FAT3: variants seen among roughly 807,000 people sequenced by gnomAD.
The protein encoded by FAT3 is FAT atypical cadherin 3, also known as protocadherin Fat 3.
Under a neutral mutation model 310.2 loss-of-function variants are expected in FAT3, and 95 were observed. The observed-to-expected ratio is 0.31, with a 90% CI of 0.26 to 0.36. FAT3 has a LOEUF of 0.36. Ranked by LOEUF, FAT3 falls within the 10% of genes least tolerant of loss-of-function variation. The pLI, the probability that FAT3 is intolerant of heterozygous loss-of-function variation, is 1.00. For missense variants in FAT3, 5,408 were observed against 5,715.6 expected (o/e 0.95, Z 1.74); for synonymous variants, 2,314 against 2,192.9 (o/e 1.06, Z -1.54).
chr11:92,665,722 G>C (rs1027150582), intron 3 of FAT3, among the ~76,000 whole-genome samples: 1 of 152,156 alleles, frequency 6.6e-6, no homozygotes, highest in Non-Finnish European at 1.5e-5. Context: ...TGTCTAAATT[G>C]TTAGAGTCCT....
At position 92,561,250 on chromosome 11, in the gene FAT3, C is replaced by CGTGTGTGTGT. The variant is rs66585879; in HGVS notation, c.3607+36333_3607+36342dup. On this transcript the variant is annotated intron_variant, in intron 3 of 27. Transcript: ENST00000525166. ...GACAGTCTCTCAGATCCTTCTACTT[C>CGTGTGTGTGT]GTGTGTGTGTGTGTGTGTGTGTGTG... is the stretch of plus-strand genomic sequence containing the variant. 3.3e-3 allele frequency among the ~76,000 whole-genome samples: 487 copies of CGTGTGTGTGT among 148,472 alleles called. 4 individuals are homozygous for CGTGTGTGTGT. Among genetic ancestry groups the CGTGTGTGTGT allele is most frequent in the South Asian group, 3.2e-3 (15 of 4,690 alleles).
chr11:92,425,119 G>T (rs890799790), intron 2 of FAT3, among the ~76,000 whole-genome samples: 2 of 151,968 alleles, frequency 1.3e-5, no homozygotes, highest in Non-Finnish European at 2.9e-5. Context: ...GAATCTTTGG[G>T]TTTTTTTCCA....
intron 2 of FAT3, among the ~76,000 whole-genome samples, chr11:92,377,242 G>T (rs913688689): frequency 6.6e-6 from 1 of 152,184 alleles, no homozygotes; most frequent in Non-Finnish European, 1.5e-5. Context: ...TAAATGTATT[G>T]TTGTGTGTGT....
At chr11:92,865,727 G>T (rs1949227979) in intron 21 of FAT3, among the ~76,000 whole-genome samples, 1 of 152,238 alleles carries the variant, frequency 6.6e-6, no homozygotes, top group African/African-American at 2.4e-5. Context: ...GGGATTCAAA[G>T]ACATGTTTTC....
At chr11:92,862,172 A>G (rs911984133) in intron 21 of FAT3, among the ~76,000 whole-genome samples, 1 of 152,230 alleles carries the variant, frequency 6.6e-6, no homozygotes, top group Non-Finnish European at 1.5e-5. Context: ...GTAGAATATC[A>G]TTATGAGAAA....
chr11:92,466,738 C>G, intron 2 of FAT3, among the ~76,000 whole-genome samples: 1 of 108,576 alleles, frequency 9.2e-6, no homozygotes, highest in Non-Finnish European at 1.8e-5. Flanking sequence ...CCCCCTCCCC[C>G]CACCCCACAA....
chr11:92,327,008 C>T (rs1373831092), intron 1 of FAT3, among the ~76,000 whole-genome samples: 2 of 152,122 alleles, frequency 1.3e-5, no homozygotes, highest in Non-Finnish European at 2.9e-5. Flanking sequence ...TACTCAGTCA[C>T]TTTTCAAGGG....
rs1411231009 is a variant in FAT3, at chr11:92,866,849, G to C, written c.11767G>C (p.Glu3923Gln). ...CGGGAGCTGGCACTCGGTCTTCCTG[G>C]AGCTCAACCGCAATTTCACGAGCCT... ...NDGSWHSVFL[E>Q]LNRNFTSLSL... Residue 3923 changes from glutamate to glutamine, a missense_variant, in exon 22 of 28, where the codon GAG becomes CAG. Coordinates refer to ENST00000525166, the MANE Select transcript of FAT3 (RefSeq NM_001367949.2). The C allele has an allele frequency of 6.2e-7, 1 of 1,613,816 alleles. No individual in the cohort carries two copies. The highest frequency in any genetic ancestry group is 8.5e-7 in the Non-Finnish European group (1 of 1,179,884).
intron 3 of FAT3, among the ~76,000 whole-genome samples, chr11:92,616,710 G>A (rs1406641158): frequency 6.6e-6 from 1 of 152,140 alleles, no homozygotes; most frequent in Admixed American, 6.6e-5. Context: ...TTTCTGTAAA[G>A]GATTTTATTT....
intron 2 of FAT3, among the ~76,000 whole-genome samples, chr11:92,507,424 TTG>T (rs1419096170): frequency 1.3e-5 from 2 of 152,068 alleles, no homozygotes; most frequent in East Asian, 3.9e-4. Context: ...CAAGGTAGTT[TTG>T]AGGATTTCAC....
intron 4 of FAT3, among the ~76,000 whole-genome samples, chr11:92,754,437 A>G (rs191892524): frequency 0.042 from 6,392 of 151,494 alleles, 281 homozygotes; most frequent in East Asian, 0.2. Context: ...CATCCTGGCT[A>G]ACACAGTGAA....
intron 21 of FAT3, among the ~76,000 whole-genome samples, chr11:92,865,731 T>A (rs1949228177): frequency 6.6e-6 from 1 of 152,214 alleles, no homozygotes; most frequent in Non-Finnish European, 1.5e-5. Context: ...TTCAAAGACA[T>A]GTTTTCTTTG....
rs374766216 is a variant in FAT3, at chr11:92,764,925, G to A, written c.4031G>A (p.Arg1344His). 14 of 1,613,608 alleles carry A rather than the reference G, an allele frequency of 8.7e-6. No individual in the cohort carries two copies. Among genetic ancestry groups the A allele is most frequent in the Admixed American group, 1.7e-5 (1 of 59,980 alleles). ...CGCCCACAGAAATCCTCCACGGCCC[G>A]CCTCCACATTGAATGGATTAAGAAA... ...NGRPQKSSTA[R>H]LHIEWIKKPP... The change falls in exon 6 of 28, where the codon CGC becomes CAC. Residue 1344 changes from arginine (R) to histidine (H), a missense_variant. By Grantham distance (29) the Arg-to-His change is conservative. Coordinates refer to ENST00000525166, the MANE Select transcript of FAT3 (RefSeq NM_001367949.2).
At chr11:92,713,352 T>C (rs1407438176) in intron 4 of FAT3, among the ~76,000 whole-genome samples, 1 of 152,230 alleles carries the variant, frequency 6.6e-6, no homozygotes, top group African/African-American at 2.4e-5. Flanking sequence ...CTTGGGAAAT[T>C]ACATTGTAGT....
intron 2 of FAT3, chr11:92,400,615 A>G (rs1052852034): frequency 5.3e-5 from 8 of 152,090 alleles, no homozygotes; most frequent in Non-Finnish European, 1.2e-4. Flanking sequence ...AAACAGCGCT[A>G]TGAAGGAGGT....
chr11:92,372,657 G>A (rs1004092134), intron 2 of FAT3, among the ~76,000 whole-genome samples: 5 of 141,782 alleles, frequency 3.5e-5, no homozygotes, highest in Non-Finnish European at 7.5e-5. Flanking sequence ...ATTGACATGG[G>A]CAAACAATTT....
intron 3 of FAT3, among the ~76,000 whole-genome samples, chr11:92,690,565 C>T (rs12292112): frequency 0.028 from 4,240 of 152,110 alleles, 216 homozygotes; most frequent in African/African-American, 0.096. Flanking sequence ...TGTTGTAGCT[C>T]TTGTATATAT....
chr11:92,867,013 G>T lies in FAT3; in HGVS notation c.11931G>T (p.Gln3977His). ...IRSLTDTRVT[Q>H]VLSGFQGCLD... is the part of the protein sequence containing the mutation. ...GCCTGACTGACACGCGGGTCACGCAGGTGCTCAGCGGCTTCCAGGGCTGCC... is the reference window on the plus strand; with the variant it reads ...GCCTGACTGACACGCGGGTCACGCATGTGCTCAGCGGCTTCCAGGGCTGCC... The change falls in exon 22 of 28, where the codon CAG becomes CAT. Residue 3977 changes from glutamine (Q) to histidine (H), a missense_variant. Physicochemically the swap from Gln to His is conservative, Grantham distance 24. This residue lies in a region of FAT3 where 4,588 missense variants were observed against 4,809.8 expected (regional missense o/e 0.95). Transcript: ENST00000525166. The T allele has an allele frequency of 6.3e-7, 1 of 1,596,518 alleles. No homozygotes were observed. The highest frequency in any genetic ancestry group is 1.1e-5 in the South Asian group (1 of 88,642).
chr11:92,235,532 C>T (rs1864383268), intron 1 of FAT3, among the ~76,000 whole-genome samples: 1 of 151,982 alleles, frequency 6.6e-6, no homozygotes, highest in East Asian at 1.9e-4. Flanking sequence ...ACTCTTATTG[C>T]TATATCTTGC....
Sources: gnomAD v4.1 joint callset for allele counts (sites outside exome capture counted in the v4.1 genomes callset) on GRCh38, gnomAD v4.1.1 for gene constraint, gnomAD v4.1.1 regional missense constraint, MANE v1.5 for transcripts, NCBI Gene and HGNC (gene_info 2026-07-23, HGNC 2026-07-21) for gene names.